The following GRXCR2 variants were observed in gnomAD, a reference collection of about 807,000 sequenced individuals.
GRXCR2 encodes glutaredoxin domain-containing cysteine-rich protein 2.
In GRXCR2, 23 loss-of-function variants were observed where a neutral mutation model predicts 24.8. The observed-to-expected ratio is 0.93, with a 90% CI of 0.67 to 1.32. The LOEUF is 1.32. Among genes scored for constraint, GRXCR2 ranks in the 40% most tolerant of loss-of-function variants. GRXCR2 has a pLI of 0.00. For missense variants in GRXCR2, 315 were observed against 303.4 expected (o/e 1.04, Z -0.28); for synonymous variants, 130 against 116.1 (o/e 1.12, Z -0.77).
intron 2 of GRXCR2, among the ~76,000 whole-genome samples, chr5:145,881,871 C>T (rs559083907): frequency 6.6e-6 from 1 of 152,304 alleles, no homozygotes; most frequent in South Asian, 2.1e-4. Context: ...CACCACACAT[C>T]TACAACCATC....
chr5:145,924,218 A>G (rs1480443948), intron 2 of GRXCR2, among the ~76,000 whole-genome samples: 1 of 152,204 alleles, frequency 6.6e-6, no homozygotes, highest in Non-Finnish European at 1.5e-5. Flanking sequence ...AGCTAGATCT[A>G]GCAAGGCAAA....
chr5:145,872,262 A>G (rs1756543111), intron 1 of GRXCR2, among the ~76,000 whole-genome samples: 1 of 152,164 alleles, frequency 6.6e-6, no homozygotes. Flanking sequence ...ACTTTCAAAT[A>G]CTCAGCTCTT....
intron 2 of GRXCR2, among the ~76,000 whole-genome samples, chr5:145,890,210 C>G (rs1345105476): frequency 2.6e-5 from 4 of 152,196 alleles, no homozygotes; most frequent in Non-Finnish European, 5.9e-5. Flanking sequence ...TGCCCTCAAC[C>G]TCCTGAATAC....
intron 2 of GRXCR2, among the ~76,000 whole-genome samples, chr5:145,913,544 G>A (rs1233418892): frequency 6.6e-6 from 1 of 152,084 alleles, no homozygotes; most frequent in Non-Finnish European, 1.5e-5. Flanking sequence ...CTTTTATGCT[G>A]GATAAATTTA....
intron 2 of GRXCR2, among the ~76,000 whole-genome samples, chr5:145,899,302 A>G (rs1756993577): frequency 1.3e-5 from 2 of 152,146 alleles, no homozygotes; most frequent in South Asian, 4.1e-4. Context: ...TGGATTGAAA[A>G]AATCAATATC....
rs1480969859 is a variant in GRXCR2, at chr5:145,872,683, A to C, written c.286T>G (p.Leu96Val). ...TTGAACCGAGGCTGGCCGCCTGCCAAGGTGTAGGCATTACCCTCTCTAAAC... is the reference window on the plus strand; with the variant it reads ...TTGAACCGAGGCTGGCCGCCTGCCACGGTGTAGGCATTACCCTCTCTAAAC... ...SVFREGNAYT[L>V]AGGQPRFNDY... Residue 96 changes from leucine to valine, a missense_variant, in exon 1 of 3, where the codon TTG becomes GTG. Transcript: ENST00000377976. The C allele has an allele frequency of 1.7e-5, 28 of 1,609,022 alleles. No individual in the cohort carries two copies. The highest frequency in any genetic ancestry group is 2.3e-5 in the Non-Finnish European group (27 of 1,176,220).
At chr5:145,877,073 T>A (rs1756629557), upstream of GRXCR2, among the ~76,000 whole-genome samples, 1 of 151,966 alleles carries the variant, frequency 6.6e-6, no homozygotes, top group Non-Finnish European at 1.5e-5. Flanking sequence ...TAAGCAAGAA[T>A]AAAATAAATG....
rs578210919 is a variant in GRXCR2 at position 145,862,211 on chromosome 5, A to G, written c.565-2296T>C. 3.3e-5 allele frequency among the ~76,000 whole-genome samples: 5 copies of G among 152,328 alleles called. No homozygotes were observed. In the East Asian group the frequency reaches 5.8e-4, roughly 18 times the overall value. Reference sequence around the variant, plus strand: ...ATCCTAACATAATGCTATACATGTGATCCAAAAATTCATTTGCATAAAACG... The same window carrying G: ...ATCCTAACATAATGCTATACATGTGGTCCAAAAATTCATTTGCATAAAACG... On this transcript the variant is annotated intron_variant, in intron 2 of 2. Transcript: ENST00000377976.
intron 2 of GRXCR2, among the ~76,000 whole-genome samples, chr5:145,914,372 A>AT (rs200848255): frequency 8.6e-6 from 1 of 115,814 alleles, no homozygotes; most frequent in Non-Finnish European, 1.8e-5. Context: ...CATTAAGAAG[A>AT]TTTAAAAAAA....
At chr5:145,904,418 G>A (rs1400316817) in intron 2 of GRXCR2, among the ~76,000 whole-genome samples, 1 of 152,144 alleles carries the variant, frequency 6.6e-6, no homozygotes, top group African/African-American at 2.4e-5. Flanking sequence ...TGAAAGACTT[G>A]GACTTGAAGT....
At chr5:145,890,166 A>T (rs971869018) in intron 2 of GRXCR2, among the ~76,000 whole-genome samples, 1 of 152,184 alleles carries the variant, frequency 6.6e-6, no homozygotes, top group Non-Finnish European at 1.5e-5. Flanking sequence ...GTGGCTCACT[A>T]CAACCTCTGC....
At chr5:145,891,605 G>A (rs1371911925) in intron 2 of GRXCR2, among the ~76,000 whole-genome samples, 2 of 152,316 alleles carry the variant, frequency 1.3e-5, no homozygotes, top group Non-Finnish European at 2.9e-5. Flanking sequence ...CGCCATTGCT[G>A]AGGTTTGAGT....
intron 2 of GRXCR2, among the ~76,000 whole-genome samples, chr5:145,912,001 G>A (rs1019568538): frequency 1.3e-5 from 2 of 152,206 alleles, no homozygotes; most frequent in Non-Finnish European, 2.9e-5. Flanking sequence ...GGTAGCTGAG[G>A]TGAGAGGATT....
At chr5:145,886,241 T>C (rs1283769352) in intron 2 of GRXCR2, among the ~76,000 whole-genome samples, 1 of 152,192 alleles carries the variant, frequency 6.6e-6, no homozygotes, top group African/African-American at 2.4e-5. Context: ...ATAGTTTGCT[T>C]TGAAAGGTAG....
intron 2 of GRXCR2, among the ~76,000 whole-genome samples, chr5:145,907,299 C>T (rs1469702019): frequency 6.6e-6 from 1 of 152,060 alleles, no homozygotes; most frequent in East Asian, 1.9e-4. Context: ...GAGGCCAAGG[C>T]AGGAGGATCT....
chr5:145,895,960 C>G (rs935248169), intron 2 of GRXCR2, among the ~76,000 whole-genome samples: 13 of 152,210 alleles, frequency 8.5e-5, no homozygotes, highest in East Asian at 1.9e-4. Flanking sequence ...CAGAACAGAG[C>G]CCTCAGAAAT....
At chr5:145,918,815 T>C (rs1027339514) in intron 2 of GRXCR2, among the ~76,000 whole-genome samples, 1 of 152,178 alleles carries the variant, frequency 6.6e-6, no homozygotes, top group Non-Finnish European at 1.5e-5. Flanking sequence ...GGGAATTACC[T>C]TGGCATCCCT....
At chr5:145,916,521 G>A (rs1357942701) in intron 2 of GRXCR2, among the ~76,000 whole-genome samples, 1 of 152,172 alleles carries the variant, frequency 6.6e-6, no homozygotes, top group Non-Finnish European at 1.5e-5. Context: ...CTTGAAGGAA[G>A]GCATTGGGAA....
At chr5:145,910,324 AG>A (rs1757148470) in intron 2 of GRXCR2, among the ~76,000 whole-genome samples, 1 of 152,182 alleles carries the variant, frequency 6.6e-6, no homozygotes. Flanking sequence ...TCTCTTGGCC[AG>A]GACCAGAGAC....
Sources: gnomAD v4.1 joint callset for allele counts (sites outside exome capture counted in the v4.1 genomes callset) on GRCh38, gnomAD v4.1.1 for gene constraint, MANE v1.5 for transcripts, NCBI Gene and HGNC (gene_info 2026-07-23, HGNC 2026-07-21) for gene names.